The following COL5A1 variants were observed in gnomAD, a reference collection of about 807,000 sequenced individuals.
COL5A1 encodes the protein collagen type V alpha 1 chain.
COL5A1 carries 16 observed loss-of-function variants against 263.7 expected under a neutral mutation model. That is an observed-to-expected ratio of 0.06 (90% CI 0.04 to 0.09). The LOEUF (loss-of-function observed/expected upper bound fraction) is 0.09, where lower values mean the gene tolerates loss of function less well. Among genes scored for constraint, COL5A1 ranks in the 10% least tolerant of loss-of-function variants. The pLI is 1.00. For missense variants in COL5A1, 2,036 were observed against 2,540.5 expected (o/e 0.80, Z 4.27); for synonymous variants, 1,012 against 1,004.5 (o/e 1.01, Z -0.14).
At chr9:134,817,707 C>T (rs1291643084) in intron 53 of COL5A1, 71 bp from the exon 54 acceptor site, 4 of 1,422,660 alleles carry the variant, frequency 2.8e-6, no homozygotes, top group Non-Finnish European at 2.9e-6. Flanking sequence ...ACCCTGAGCG[C>T]CTGCACCCGA....
At chr9:134,710,894 T>C (rs1324952172) in intron 4 of COL5A1, among the ~76,000 whole-genome samples, 1 of 106,640 alleles carries the variant, frequency 9.4e-6, no homozygotes, top group Non-Finnish European at 1.8e-5. Context: ...GCCCTATTTG[T>C]TGGGTGCAGT....
chr9:134,693,891 G>A (rs539975041), intron 2 of COL5A1, among the ~76,000 whole-genome samples: 1 of 152,284 alleles, frequency 6.6e-6, no homozygotes, highest in East Asian at 1.9e-4. Flanking sequence ...CCAGCCACTC[G>A]TGTGGGTCAG....
intron 1 of COL5A1, among the ~76,000 whole-genome samples, chr9:134,676,848 T>C (rs1832699632): frequency 6.6e-6 from 1 of 152,226 alleles, no homozygotes; most frequent in Non-Finnish European, 1.5e-5. Context: ...CTTTGGTTAT[T>C]TTTTCCTTTG....
chr9:134,702,157 C>T (rs976752461), intron 4 of COL5A1, among the ~76,000 whole-genome samples: 9 of 152,146 alleles, frequency 5.9e-5, no homozygotes, highest in East Asian at 3.9e-4. Flanking sequence ...GTTGCCTCCG[C>T]GGCTTGGGTT....
intron 18 of COL5A1, among the ~76,000 whole-genome samples, chr9:134,760,285 ACACACCCC>A (rs1301875179): frequency 9.1e-5 from 9 of 99,028 alleles, no homozygotes; most frequent in East Asian, 3.5e-4. Context: ...GCACACACGC[ACACACCCC>A]CACACCCCCC....
chr9:134,734,535 G>A (rs554831039), intron 9 of COL5A1, among the ~76,000 whole-genome samples: 12 of 152,392 alleles, frequency 7.9e-5, no homozygotes, highest in South Asian at 4.1e-4. Context: ...GTCCCGGCCT[G>A]TGGAAGGGGG....
rs530110670 is a variant in COL5A1 at position 134,687,231 on chromosome 9, T to C, written c.110-3681T>C. Among the ~76,000 whole-genome samples the C allele has an allele frequency of 2.0e-5, 3 of 152,328 alleles. No individual in the cohort carries two copies. In the East Asian group the frequency reaches 5.8e-4, roughly 29 times the overall value. On this transcript the variant is annotated intron_variant, in intron 1 of 65. Transcript: ENST00000371817. Reference sequence around the variant, plus strand: ...GAGGAGGCTGCCACCTCCCTCTCACTGTCCAGCTCCATGAGTCTCTCTGAT... The same window carrying C: ...GAGGAGGCTGCCACCTCCCTCTCACCGTCCAGCTCCATGAGTCTCTCTGAT...
intron 1 of COL5A1, among the ~76,000 whole-genome samples, chr9:134,645,070 C>T (rs889481322): frequency 2.0e-5 from 3 of 152,170 alleles, no homozygotes; most frequent in African/African-American, 4.8e-5. Flanking sequence ...CCAGATTTGC[C>T]GGAGGGGTTG....
chr9:134,674,407 A>G (rs999557544), intron 1 of COL5A1, among the ~76,000 whole-genome samples: 2 of 152,208 alleles, frequency 1.3e-5, no homozygotes, highest in African/African-American at 4.8e-5. Flanking sequence ...GGTTCCATTT[A>G]TATGACATTT....
chr9:134,703,014 A>C (rs947674515), intron 4 of COL5A1, among the ~76,000 whole-genome samples: 2 of 152,276 alleles, frequency 1.3e-5, no homozygotes, highest in African/African-American at 4.8e-5. Flanking sequence ...GGCAGGACAC[A>C]GCCCCGCGGC....
At chr9:134,691,921 G>C (rs758858749) in intron 2 of COL5A1, 1 of 152,196 alleles carries the variant, frequency 6.6e-6, no homozygotes, top group African/African-American at 2.4e-5. Context: ...TTGAACCCAC[G>C]ATCAGGGCAG....
At chr9:134,745,889 C>G (rs1025579589) in intron 11 of COL5A1, among the ~76,000 whole-genome samples, 2 of 152,172 alleles carry the variant, frequency 1.3e-5, no homozygotes, top group Non-Finnish European at 2.9e-5. Flanking sequence ...CCGTCCTCTG[C>G]CCTTGTAGCT....
At position 134,716,934 on chromosome 9, in the gene COL5A1, G is replaced by A. The variant is rs919385956; in HGVS notation, c.655-10332G>A. On this transcript the variant is annotated intron_variant, in intron 4 of 65. Transcript: ENST00000371817. The surrounding 1 kb of genome is among the most constrained non-coding windows in gnomAD (Gnocchi z 4.5). Reference sequence around the variant, plus strand: ...GCGGGGACAGCAGAAAGCAATTTCCGACGACATGAAAATATTTCTCTGACA... The same window carrying A: ...GCGGGGACAGCAGAAAGCAATTTCCAACGACATGAAAATATTTCTCTGACA... 3.3e-5 allele frequency among the ~76,000 whole-genome samples: 5 copies of A among 152,142 alleles called. No homozygotes were observed. In the South Asian group the frequency reaches 8.3e-4, roughly 25 times the overall value.
At position 134,775,063 on chromosome 9, in the gene COL5A1, C is replaced by T. The variant is rs145836325; in HGVS notation, c.2385+151C>T. ...CAGTCCTCCCAGTCACTTGTGTGGA[C>T]GCTAGGTCTCAGGACAGCGGGCCTG... On this transcript the variant is annotated intron_variant, in intron 27 of 65. Coordinates refer to ENST00000371817, the MANE Select transcript of COL5A1 (RefSeq NM_000093.5). 856 of 773,352 alleles carry T rather than the reference C, an allele frequency of 1.1e-3. 9 individuals are homozygous for T. In the Middle Eastern group the frequency reaches 0.013, roughly 11 times the overall value. 47.9% of individuals were successfully genotyped at this position (773,352 alleles called of 1,614,324 possible).
Position 134,700,795 on chromosome 9 carries a change from G to A in COL5A1, c.492-376G>A, listed in dbSNP as rs1251690215. Among the ~76,000 whole-genome samples, 2 of 152,152 alleles carry A rather than the reference G, an allele frequency of 1.3e-5. No individual in the cohort carries two copies. The highest frequency in any genetic ancestry group is 2.9e-5 in the Non-Finnish European group (2 of 68,024). ...CACACAGCAAAATACAACGGCCGCC[G>A]CCCTGCCATTCTCCCGATGGCTGTG... On this transcript the variant is annotated intron_variant, in intron 3 of 65. Coordinates refer to ENST00000371817, the MANE Select transcript of COL5A1 (RefSeq NM_000093.5). The surrounding 1 kb of genome is among the most constrained non-coding windows in gnomAD (Gnocchi z 4.0).
chr9:134,788,670 T>G (rs1205206872), intron 31 of COL5A1, among the ~76,000 whole-genome samples: 1 of 149,196 alleles, frequency 6.7e-6, no homozygotes, highest in African/African-American at 2.5e-5. Context: ...GATAGACAGA[T>G]AGATGGATAG....
chr9:134,789,099 C>T lies in COL5A1; in HGVS notation c.2647-56C>T. 6.5e-7 allele frequency: 1 copy of T among 1,534,628 alleles called. No homozygotes were observed. The highest frequency in any genetic ancestry group is 9.0e-7 in the Non-Finnish European group (1 of 1,110,410). ...CAGGTGGTCCCCCAGGCGGCCCATG[C>T]AGCATGACTCATTCCTGGCCCAGCT... On this transcript the variant is annotated intron_variant, in intron 31 of 65. Transcript: ENST00000371817. The surrounding 1 kb of genome is among the most constrained non-coding windows in gnomAD (Gnocchi z 4.8).
chr9:134,686,777 G>A lies in COL5A1; in HGVS notation c.110-4135G>A, dbSNP rs569017018. ...GACAAGAGGTATTCCCTGGGCAAGC[G>A]AGGCTGTGCAGGATGCCTGACCCCT... is the stretch of plus-strand genomic sequence containing the variant. On this transcript the variant is annotated intron_variant, in intron 1 of 65. Transcript: ENST00000371817. This position sits in a 1 kb window ranked among gnomAD's most constrained non-coding sequence, Gnocchi z 4.6. 8.5e-5 allele frequency among the ~76,000 whole-genome samples: 13 copies of A among 152,260 alleles called. No homozygotes were observed. Among genetic ancestry groups the A allele is most frequent in the Non-Finnish European group, 1.3e-4 (9 of 68,016 alleles).
chr9:134,780,761 A>G (rs1428965265), intron 28 of COL5A1, among the ~76,000 whole-genome samples: 1 of 152,224 alleles, frequency 6.6e-6, no homozygotes, highest in Non-Finnish European at 1.5e-5. Context: ...CCTGAGCCAC[A>G]TGGAGCTGCG....
Sources: allele counts gnomAD v4.1 joint callset (sites outside exome capture counted in the v4.1 genomes callset), GRCh38; gene constraint gnomAD v4.1.1; non-coding constraint Gnocchi (gnomAD v3.1); transcripts MANE v1.5; gene names NCBI Gene and HGNC (gene_info 2026-07-23, HGNC 2026-07-21).